Variants in IQGAP2 observed in about 807,000 individuals in gnomAD.
IQGAP2 encodes the protein IQ motif containing GTPase activating protein 2.
In IQGAP2, 173 loss-of-function variants were observed where a neutral mutation model predicts 201.3. That is an observed-to-expected ratio of 0.86 (90% CI 0.76 to 0.98). IQGAP2 has a LOEUF of 0.98. IQGAP2 is among the 50% of genes least tolerant of loss of function. The pLI is 0.00. For synonymous variants in IQGAP2, 675 were observed against 673.9 expected (o/e 1.00, Z -0.03); for missense variants, 1,687 against 1,864.8 (o/e 0.90, Z 1.76).
At chr5:76,503,174 C>CTTTTTTTTTTT (rs11297908) in intron 2 of IQGAP2, among the ~76,000 whole-genome samples, 7 of 109,348 alleles carry the variant, frequency 6.4e-5, no homozygotes, top group African/African-American at 1.8e-4. Context: ...CTTTTCTTTT[C>CTTTTTTTTTTT]TTTTTTTTTT....
intron 2 of IQGAP2, among the ~76,000 whole-genome samples, chr5:76,505,317 CG>C (rs1757552958): frequency 6.6e-6 from 1 of 152,194 alleles, no homozygotes; most frequent in East Asian, 1.9e-4. Flanking sequence ...AGGAAACCGT[CG>C]AAACTGCAAA....
chr5:76,593,448 A>C (rs561514668), intron 9 of IQGAP2, among the ~76,000 whole-genome samples: 2 of 152,276 alleles, frequency 1.3e-5, no homozygotes, highest in Non-Finnish European at 2.9e-5. Flanking sequence ...TTTGAGTCCC[A>C]CACCCCTGAG....
At chr5:76,506,229 G>A (rs1489709137) in intron 2 of IQGAP2, among the ~76,000 whole-genome samples, 3 of 152,286 alleles carry the variant, frequency 2.0e-5, no homozygotes, top group Middle Eastern at 3.4e-3. Context: ...ACCCGAGAGA[G>A]CTACTTGAGG....
At chr5:76,630,862 C>T (rs1177669995) in intron 14 of IQGAP2, among the ~76,000 whole-genome samples, 5 of 151,910 alleles carry the variant, frequency 3.3e-5, no homozygotes, top group African/African-American at 4.8e-5. Context: ...TTCTCCCCTT[C>T]ATCTATATGT....
intron 2 of IQGAP2, among the ~76,000 whole-genome samples, chr5:76,493,068 C>G (rs1327050805): frequency 6.6e-6 from 1 of 152,160 alleles, no homozygotes; most frequent in Non-Finnish European, 1.5e-5. Flanking sequence ...AACCGGACAT[C>G]TCCCTGATGC....
intron 22 of IQGAP2, among the ~76,000 whole-genome samples, chr5:76,666,360 T>C (rs1198892599): frequency 6.6e-6 from 1 of 152,216 alleles, no homozygotes; most frequent in Non-Finnish European, 1.5e-5. Flanking sequence ...AGTTTGAAAT[T>C]TAATCTTAGG....
intron 2 of IQGAP2, among the ~76,000 whole-genome samples, chr5:76,496,864 C>G (rs1757021586): frequency 1.3e-5 from 2 of 150,274 alleles, no homozygotes; most frequent in South Asian, 2.1e-4. Flanking sequence ...GAGTCTTGCT[C>G]TGTTGCCCAG....
At position 76,592,313 on chromosome 5, in the gene IQGAP2, C is replaced by G. The variant is rs374335499; in HGVS notation, c.820-525C>G. Among the ~76,000 whole-genome samples the G allele has an allele frequency of 3.2e-4, 49 of 152,320 alleles. No homozygotes were observed. The East Asian group carries it at 8.5e-3, about 26-fold the overall frequency. ...GCTGTAGCCTAATGTGCTAAGCTTT[C>G]CATCTGTGTAACCAAATCCTGCTGT... On this transcript the variant is annotated intron_variant, in intron 8 of 35. Transcript: ENST00000274364.
At chr5:76,681,972 C>T (rs1349984608) in intron 28 of IQGAP2, among the ~76,000 whole-genome samples, 1 of 152,158 alleles carries the variant, frequency 6.6e-6, no homozygotes, top group Non-Finnish European at 1.5e-5. Context: ...ATGAGCCAGT[C>T]ACAAAAAGAC....
Position 76,530,026 on chromosome 5 carries a change from AAAG to A in IQGAP2, c.147-32366_147-32364del, listed in dbSNP as rs1385637549. Among the ~76,000 whole-genome samples the A allele has an allele frequency of 1.3e-5, 2 of 152,194 alleles. 1 individual carries two copies. ...ATGGTTGTGTAATGCAAATAGGAGT[AAAG>A]AAGGTTTGATTAGTCTGTAACAGCA... On this transcript the variant is annotated intron_variant, in intron 2 of 35. Coordinates refer to ENST00000274364, the MANE Select transcript of IQGAP2 (RefSeq NM_006633.5).
chr5:76,440,722 A>G (rs1478430822), intron 1 of IQGAP2, among the ~76,000 whole-genome samples: 2 of 152,152 alleles, frequency 1.3e-5, no homozygotes, highest in Admixed American at 6.5e-5. Flanking sequence ...GGCTTGAGAC[A>G]GCATAGCCTA....
chr5:76,430,577 A>G (rs571397685), intron 1 of IQGAP2, among the ~76,000 whole-genome samples: 7 of 152,350 alleles, frequency 4.6e-5, no homozygotes, highest in African/African-American at 1.7e-4. Context: ...GAAGTCAGAT[A>G]ACAGCATTTC....
chr5:76,701,215 T>C lies in IQGAP2; in HGVS notation c.4505+2T>C. 2 of 1,613,920 alleles carry C rather than the reference T, an allele frequency of 1.2e-6. No individual in the cohort carries two copies. The highest frequency in any genetic ancestry group is 1.7e-6 in the Non-Finnish European group (2 of 1,179,808). ...TATAGATGATCTTCAAACAAACCAGTAAGTGTGACCTGGAATCTGCATAGA... is the reference window on the plus strand; with the variant it reads ...TATAGATGATCTTCAAACAAACCAGCAAGTGTGACCTGGAATCTGCATAGA... On this transcript the variant is annotated splice_donor_variant, in intron 34 of 35. Transcript: ENST00000274364. LOFTEE classifies it high-confidence loss of function.
chr5:76,704,226 T>C (rs1747679843), intron 35 of IQGAP2, among the ~76,000 whole-genome samples: 1 of 152,252 alleles, frequency 6.6e-6, no homozygotes, highest in Non-Finnish European at 1.5e-5. Flanking sequence ...AAGAAGGTGC[T>C]TGTGGTGATA....
intron 13 of IQGAP2, among the ~76,000 whole-genome samples, chr5:76,613,797 C>T (rs1216961417): frequency 2.6e-5 from 4 of 152,122 alleles, no homozygotes; most frequent in Non-Finnish European, 5.9e-5. Flanking sequence ...CAGGTTCAAC[C>T]GATTCTCCTG....
intron 21 of IQGAP2, among the ~76,000 whole-genome samples, chr5:76,660,705 C>T (rs1306407828): frequency 6.6e-6 from 1 of 152,160 alleles, no homozygotes; most frequent in African/African-American, 2.4e-5. Flanking sequence ...TATTTGCAAA[C>T]ACCAGATATG....
chr5:76,544,906 G>C, intron 2 of IQGAP2, among the ~76,000 whole-genome samples: 1 of 151,918 alleles, frequency 6.6e-6, no homozygotes, highest in East Asian at 1.9e-4. Flanking sequence ...TATACAGTAT[G>C]TATGTAGTTA....
intron 1 of IQGAP2, among the ~76,000 whole-genome samples, chr5:76,436,486 TATATATATATATATATATATATATATA>T (rs1752660510): frequency 1.6e-4 from 2 of 12,774 alleles, no homozygotes; most frequent in African/African-American, 8.8e-4. Flanking sequence ...CATATATATA[TATATATATATATATATATATATATATA>T]TATATTTTTT....
At chr5:76,609,310 T>C (rs1006842044) in intron 12 of IQGAP2, 6 of 1,413,722 alleles carry the variant, frequency 4.2e-6, no homozygotes, top group Non-Finnish European at 4.8e-6. Context: ...ATAAATCCTA[T>C]AGGGTAAAAC....
Sources: allele counts gnomAD v4.1 joint callset (sites outside exome capture counted in the v4.1 genomes callset), GRCh38; gene constraint gnomAD v4.1.1; transcripts MANE v1.5; gene names NCBI Gene and HGNC (gene_info 2026-07-23, HGNC 2026-07-21).